FAM114A2: variants seen among roughly 807,000 people sequenced by gnomAD.
FAM114A2 encodes family with sequence similarity 114 member A2.
A neutral mutation model predicts 58.4 loss-of-function variants in FAM114A2; 53 were observed. The observed-to-expected ratio is 0.91, with a 90% CI of 0.73 to 1.14. The LOEUF (loss-of-function observed/expected upper bound fraction) is 1.14, where lower values mean the gene tolerates loss of function less well. Ranked by LOEUF, FAM114A2 falls within the 50% of genes most tolerant of loss-of-function variation. The pLI, the probability that FAM114A2 is intolerant of heterozygous loss-of-function variation, is 0.00. For synonymous variants in FAM114A2, 228 were observed against 211.4 expected, an observed-to-expected ratio of 1.08 and a Z score of -0.68; for missense variants, 601 against 581.1, an observed-to-expected ratio of 1.03 and a Z score of -0.35.
chr5:154,033,717 T>C (rs758594224), intron 4 of FAM114A2, 74 bp downstream of exon 4: 518 of 860,486 alleles, frequency 6.0e-4, no homozygotes, highest in Non-Finnish European at 9.0e-4. Flanking sequence ...GTCCAATAAA[T>C]ACCTACTGAA....
rs1448734512 is a variant in FAM114A2 at position 153,991,366 on chromosome 5, G to C, written c.*1610C>G. The C allele has an allele frequency of 2.6e-5, 4 of 152,154 alleles. No homozygotes were observed. Among genetic ancestry groups the C allele is most frequent in the African/African-American group, 7.2e-5 (3 of 41,416 alleles). 9.4% of individuals were successfully genotyped at this position (152,154 alleles called of 1,614,324 possible). On this transcript the variant is annotated 3_prime_UTR_variant, in exon 14 of 14. Coordinates refer to ENST00000351797, the MANE Select transcript of FAM114A2 (RefSeq NM_018691.4). ...CCAGTTTCTAAACTTTGCCCTCAAG[G>C]GATACAGGTTCAGACACATCAACCA...
At chr5:154,002,154 G>A in intron 11 of FAM114A2, 97 bp downstream of exon 11, 1 of 1,163,650 alleles carries the variant, frequency 8.6e-7, no homozygotes, top group Non-Finnish European at 1.3e-6. Context: ...GGTGTGACGT[G>A]AATGGTTTCT....
Position 154,026,525 on chromosome 5 carries a change from G to A in FAM114A2, c.790-3C>T. On this transcript the variant is annotated splice_polypyrimidine_tract_variant and splice_region_variant and intron_variant, in intron 7 of 13. Transcript: ENST00000351797. ...AGAGAATTAAGGATAGATTTCACCT[G>A]AATGGATACAAGAACAAAATGTTGT... is the stretch of plus-strand genomic sequence containing the variant. The A allele has an allele frequency of 1.4e-6, 2 of 1,477,352 alleles. No homozygotes were observed. Among genetic ancestry groups the A allele is most frequent in the African/African-American group, 1.5e-5 (1 of 68,832 alleles). The allele number at this position is 1,477,352 out of a possible 1,614,324, so 91.5% of individuals were successfully genotyped here. A position where few individuals can be genotyped will look rare whatever the true frequency, so the allele number is the denominator to read the frequency against.
At chr5:153,999,611 T>G (rs1375681211) in intron 11 of FAM114A2, among the ~76,000 whole-genome samples, 1 of 145,774 alleles carries the variant, frequency 6.9e-6, no homozygotes, top group Non-Finnish European at 1.5e-5. Context: ...CCAGCCTGAG[T>G]GACACAGCAA....
chr5:154,036,572 G>A (rs10055534), intron 1 of FAM114A2: 91,708 of 151,968 alleles, frequency 0.6, 28,315 homozygotes, highest in East Asian at 0.88. Flanking sequence ...TTAAAACTAA[G>A]GCAGACTGGA....
Position 154,034,908 on chromosome 5 carries a change from C to T in FAM114A2, c.46G>A (p.Ala16Thr), listed in dbSNP as rs776997317. 2 of 1,613,938 alleles carry T rather than the reference C, an allele frequency of 1.2e-6. No homozygotes were observed. Among genetic ancestry groups the T allele is most frequent in the Non-Finnish European group, 1.7e-6 (2 of 1,179,894 alleles). ...CAGTTTCCATCTTCAAGGATGGGGG[C>T]TGCTTCAGTTAGCAGTGGAGTCTCA... ...DIETPLLTEAAPILEDGNCEP... is the reference protein window; with the variant it reads ...DIETPLLTEATPILEDGNCEP... The change falls in exon 2 of 14, where the codon GCC becomes ACC. Residue 16 changes from alanine to threonine, a missense_variant. By Grantham distance (58) the Ala-to-Thr change is moderately conservative. Transcript: ENST00000351797.
intron 8 of FAM114A2, among the ~76,000 whole-genome samples, chr5:154,012,476 A>C (rs990473811): frequency 1.3e-5 from 2 of 152,252 alleles, no homozygotes; most frequent in African/African-American, 4.8e-5. Flanking sequence ...ATCTTCTAGC[A>C]ATCTATTTAC....
chr5:154,035,063 T>C (rs567240895), intron 1 of FAM114A2, 96 bp from the exon 2 acceptor site: 29 of 711,300 alleles, frequency 4.1e-5, no homozygotes, highest in African/African-American at 3.8e-4. Context: ...TAGATTCACA[T>C]ACAAGTATAA....
At chr5:154,029,929 G>A (rs1026786510) in intron 4 of FAM114A2, among the ~76,000 whole-genome samples, 8 of 152,094 alleles carry the variant, frequency 5.3e-5, no homozygotes, top group Non-Finnish European at 1.2e-4. Context: ...GGAGAACAGT[G>A]ACTACAAAAG....
intron 1 of FAM114A2, chr5:154,036,242 C>G (rs1772548505): frequency 6.6e-6 from 1 of 151,908 alleles, no homozygotes; most frequent in Non-Finnish European, 1.5e-5. Flanking sequence ...TCATTCCTAC[C>G]TCAATTTTTC....
intron 1 of FAM114A2, chr5:154,036,988 C>T (rs1311534661): frequency 6.6e-6 from 1 of 152,220 alleles, no homozygotes; most frequent in African/African-American, 2.4e-5. Context: ...GGCAGTTGCT[C>T]TCCAGCTCCC....
intron 6 of FAM114A2, chr5:154,027,593 C>G (rs1581827544): frequency 7.1e-6 from 2 of 280,706 alleles, no homozygotes; most frequent in African/African-American, 4.4e-5. Flanking sequence ...CTCTGCCTCT[C>G]GGGTTTAAGC....
intron 9 of FAM114A2, among the ~76,000 whole-genome samples, chr5:154,009,888 T>C (rs1770578148): frequency 6.6e-6 from 1 of 152,232 alleles, no homozygotes; most frequent in Non-Finnish European, 1.5e-5. Flanking sequence ...TCTGTGATCA[T>C]GTACTGGCTC....
chr5:154,011,218 A>G, intron 9 of FAM114A2, 23 bp downstream of exon 9: 1 of 1,544,240 alleles, frequency 6.5e-7, no homozygotes, highest in Non-Finnish European at 8.9e-7. Flanking sequence ...AATAATGAAA[A>G]TCACCAAGAA....
At chr5:154,006,921 C>A (rs550476499) in intron 9 of FAM114A2, among the ~76,000 whole-genome samples, 130 of 151,758 alleles carry the variant, frequency 8.6e-4, no homozygotes, top group Non-Finnish European at 1.7e-3. Flanking sequence ...CTCAGCCTCC[C>A]GAGTAGCTGG....
chr5:153,994,106 A>G (rs998996599), intron 13 of FAM114A2, among the ~76,000 whole-genome samples: 13 of 152,226 alleles, frequency 8.5e-5, no homozygotes. Flanking sequence ...ACAATGATCA[A>G]AATAGTTTCC....
rs111297515 is a variant in FAM114A2, at chr5:154,026,266, T to A, written c.913+133A>T. On this transcript the variant is annotated intron_variant, in intron 8 of 13. Transcript: ENST00000351797. ...GCTGCAGAGAATTTTACACAGAGAATTTGCATAAAAATTTTCACCAAAAAA... is the reference window on the plus strand; with the variant it reads ...GCTGCAGAGAATTTTACACAGAGAAATTGCATAAAAATTTTCACCAAAAAA... 4.0e-3 allele frequency: 2,442 copies of A among 612,242 alleles called. 58 individuals carry two copies. The African/African-American group carries it at 0.042, about 10-fold the overall frequency. The allele number at this position is 612,242 out of a possible 1,614,324, so 37.9% of individuals were successfully genotyped here.
At chr5:154,036,679 G>T (rs1772584063) in intron 1 of FAM114A2, 1 of 151,898 alleles carries the variant, frequency 6.6e-6, no homozygotes, top group South Asian at 2.1e-4. Context: ...AAAAAAAACA[G>T]AACTCCATTA....
chr5:154,002,432 T>G (rs749806938), intron 10 of FAM114A2, 42 bp from the exon 11 acceptor site: 1 of 1,601,310 alleles, frequency 6.2e-7, no homozygotes, highest in African/African-American at 1.3e-5. Flanking sequence ...AACAAAACAT[T>G]TGGTGGAAAG....
Sources: allele counts gnomAD v4.1 joint callset (sites outside exome capture counted in the v4.1 genomes callset), GRCh38; gene constraint gnomAD v4.1.1; transcripts MANE v1.5; gene names NCBI Gene and HGNC (gene_info 2026-07-23, HGNC 2026-07-21).